Variants in CLOCK observed in about 807,000 individuals in gnomAD.
The protein encoded by CLOCK is circadian locomoter output cycles protein kaput.
CLOCK carries 43 observed loss-of-function variants against 118.4 expected under a neutral mutation model. The observed-to-expected ratio is 0.36, with a 90% CI of 0.28 to 0.47. The LOEUF (loss-of-function observed/expected upper bound fraction) is 0.47. Ranked by LOEUF, CLOCK falls within the 20% of genes least tolerant of loss-of-function variation. CLOCK has a pLI of 1.00. For synonymous variants in CLOCK, 326 were observed against 339.2 expected, an observed-to-expected ratio of 0.96 and a Z score of 0.43; for missense variants, 846 against 999.9, an observed-to-expected ratio of 0.85 and a Z score of 2.08.
Position 55,503,191 on chromosome 4 carries a change from G to A in CLOCK, c.-136+6721C>T, listed in dbSNP as rs550435627. On this transcript the variant is annotated intron_variant, in intron 2 of 22. Transcript: ENST00000513440. Reference sequence around the variant, plus strand: ...TGTACACATGTGGACCAAAAGACACGCTCAAGAATGTTCACAGAAGTATTC... The same window carrying A: ...TGTACACATGTGGACCAAAAGACACACTCAAGAATGTTCACAGAAGTATTC... Among the ~76,000 whole-genome samples, 150 of 152,244 alleles carry A rather than the reference G, an allele frequency of 9.9e-4. 1 individual carries two copies. Among genetic ancestry groups the A allele is most frequent in the Admixed American group, 1.8e-3 (27 of 15,298 alleles).
intron 20 of CLOCK, among the ~76,000 whole-genome samples, chr4:55,443,390 G>A (rs956228990): frequency 8.0e-5 from 12 of 150,124 alleles, no homozygotes; most frequent in African/African-American, 2.7e-4. Context: ...CAGGAGAATC[G>A]CTTCAACCCA....
At chr4:55,499,814 T>C (rs1360879356) in intron 2 of CLOCK, among the ~76,000 whole-genome samples, 2 of 152,358 alleles carry the variant, frequency 1.3e-5, no homozygotes, top group Admixed American at 6.5e-5. Context: ...CTCTGTTCCA[T>C]GTACGTGTAG....
intron 19 of CLOCK, 86 bp downstream of exon 19, chr4:55,444,547 C>T: frequency 6.6e-7 from 1 of 1,513,476 alleles, no homozygotes; most frequent in South Asian, 1.1e-5. Context: ...TCTCTTGCAT[C>T]TCACTTTTAA....
intron 1 of CLOCK, among the ~76,000 whole-genome samples, chr4:55,521,229 G>GT (rs543992007): frequency 3.3e-5 from 5 of 151,934 alleles, no homozygotes; most frequent in South Asian, 2.1e-4. Context: ...TTTTTTTTGT[G>GT]TTTTTTTGAG....
In CLOCK at chr4:55,429,208, T is replaced by C. The variant is rs1329146213; in HGVS notation, c.*6207A>G. ...ATGTCACAGTTTGTTTCCTAAGAAA[T>C]TTAAAAGCTTTTATTTGAAAACGTA... On this transcript the variant is annotated 3_prime_UTR_variant, in exon 23 of 23. Coordinates refer to ENST00000513440, the MANE Select transcript of CLOCK (RefSeq NM_004898.4). 1 of 152,176 alleles carries C rather than the reference T, an allele frequency of 6.6e-6. No individual in the cohort carries two copies. The highest frequency in any genetic ancestry group is 1.5e-5 in the Non-Finnish European group (1 of 68,020). The allele number at this position is 152,176 out of a possible 1,614,324, so 9.4% of individuals were successfully genotyped here.
chr4:55,459,006 G>A lies in CLOCK; in HGVS notation c.678C>T (p.Ser226=), dbSNP rs554766108. ...CTTCAAAACCATTGTGTGCTGAAGA[G>A]GATACTAAAACAATAGGGAAATATG... ...IGNFKSLNSV[S]SSAHNGFEGT... is the part of the protein sequence containing the mutation. Residue 226 remains serine (S), a synonymous_variant, in exon 11 of 23, where the codon TCC becomes TCT. Transcript: ENST00000513440. 6.2e-7 allele frequency: 1 copy of A among 1,608,638 alleles called. No homozygotes were observed. The highest frequency in any genetic ancestry group is 8.5e-7 in the Non-Finnish European group (1 of 1,175,068).
intron 2 of CLOCK, among the ~76,000 whole-genome samples, chr4:55,504,298 A>C (rs1045052754): frequency 6.6e-6 from 1 of 150,678 alleles, no homozygotes. Context: ...AAAAAAAAAA[A>C]AAAAAAAAAC....
chr4:55,544,553 T>C (rs761242418), intron 1 of CLOCK, among the ~76,000 whole-genome samples: 32 of 152,266 alleles, frequency 2.1e-4, no homozygotes, highest in Non-Finnish European at 4.1e-4. Context: ...AAAGTGTAAA[T>C]AGTCATAAAA....
chr4:55,522,379 A>G (rs567299600), intron 1 of CLOCK, among the ~76,000 whole-genome samples: 41 of 152,150 alleles, frequency 2.7e-4, no homozygotes, highest in Non-Finnish European at 5.4e-4. Context: ...AAATGAAAAG[A>G]CAAACCACGG....
intron 15 of CLOCK, among the ~76,000 whole-genome samples, chr4:55,450,707 T>C (rs1008668176): frequency 2.0e-5 from 3 of 151,408 alleles, no homozygotes; most frequent in African/African-American, 7.3e-5. Context: ...AGGCGGAGGA[T>C]GTAGTGAGCC....
rs56413931 is a variant in CLOCK, at chr4:55,498,603, CTTA to C, written c.-135-9141_-135-9139del. Among the ~76,000 whole-genome samples, 1,130 of 148,672 alleles carry C rather than the reference CTTA, an allele frequency of 7.6e-3. 12 individuals carry two copies. Among genetic ancestry groups the C allele is most frequent in the Non-Finnish European group, 0.01 (691 of 67,256 alleles). On this transcript the variant is annotated intron_variant, in intron 2 of 22. Coordinates refer to ENST00000513440, the MANE Select transcript of CLOCK (RefSeq NM_004898.4). ...TTTAAAAAATTGATCTATCTAGTTC[CTTA>C]TTATTATTATTATTATTATTTTAAC...
chr4:55,507,482 G>C (rs184158558), intron 2 of CLOCK, among the ~76,000 whole-genome samples: 4 of 152,006 alleles, frequency 2.6e-5, no homozygotes, highest in African/African-American at 9.7e-5. Flanking sequence ...GCATGGTGGC[G>C]CATGCTTGTA....
intron 8 of CLOCK, among the ~76,000 whole-genome samples, chr4:55,466,309 C>A (rs752453763): frequency 3.3e-5 from 5 of 152,092 alleles, no homozygotes; most frequent in Non-Finnish European, 7.4e-5. Flanking sequence ...CTTCCCCTTC[C>A]GCCATGACTG....
At chr4:55,504,299 A>C (rs905447313) in intron 2 of CLOCK, among the ~76,000 whole-genome samples, 1 of 150,644 alleles carries the variant, frequency 6.6e-6, no homozygotes, top group Non-Finnish European at 1.5e-5. Context: ...AAAAAAAAAA[A>C]AAAAAAAACA....
rs530598610 is a variant in CLOCK, at chr4:55,536,077, T to C, written c.-290+10705A>G. Among the ~76,000 whole-genome samples, 90 of 152,214 alleles carry C rather than the reference T, an allele frequency of 5.9e-4. 1 individual carries two copies. The highest frequency in any genetic ancestry group is 2.0e-3 in the African/African-American group (83 of 41,532). On this transcript the variant is annotated intron_variant, in intron 1 of 22. Transcript: ENST00000513440. ...GCAAGGACCTCAAGCTTAAAGGTGG[T>C]ATCTCCCCTCAGCATACTTGCTGAA...
chr4:55,462,498 C>T (rs1577724173), intron 9 of CLOCK, among the ~76,000 whole-genome samples: 1 of 152,158 alleles, frequency 6.6e-6, no homozygotes, highest in Non-Finnish European at 1.5e-5. Flanking sequence ...AGGCTGGTCT[C>T]AAACTCGTAG....
At chr4:55,496,365 T>C (rs1428805257) in intron 2 of CLOCK, among the ~76,000 whole-genome samples, 2 of 152,148 alleles carry the variant, frequency 1.3e-5, no homozygotes. Context: ...TTATTTGACA[T>C]GGTCGGGAAG....
At chr4:55,510,629 T>A (rs1438066290) in intron 1 of CLOCK, among the ~76,000 whole-genome samples, 21 of 104,308 alleles carry the variant, frequency 2.0e-4, no homozygotes, top group South Asian at 3.1e-4. Context: ...TCTGTCTTTT[T>A]AAAAAAAAAA....
chr4:55,479,495 C>A, intron 5 of CLOCK, 145 bp downstream of exon 5: 1 of 663,792 alleles, frequency 1.5e-6, no homozygotes, highest in Non-Finnish European at 2.7e-6. Flanking sequence ...AAACTACATA[C>A]CAATATTCTA....
Sources: gnomAD v4.1 joint callset for allele counts (sites outside exome capture counted in the v4.1 genomes callset) on GRCh38, gnomAD v4.1.1 for gene constraint, MANE v1.5 for transcripts, NCBI Gene and HGNC (gene_info 2026-07-23, HGNC 2026-07-21) for gene names.